ESF1: variants seen among roughly 807,000 people sequenced by gnomAD.
ESF1 encodes the protein ESF1 nucleolar pre-rRNA processing protein, also known as ESF1 homolog.
ESF1 carries 58 observed loss-of-function variants against 92.0 expected under a neutral mutation model. The ratio of observed to expected loss-of-function variants is 0.63; its 90% CI spans 0.51 to 0.78. The LOEUF (loss-of-function observed/expected upper bound fraction) is 0.78. Ranked by LOEUF, ESF1 falls within the 30% of genes least tolerant of loss-of-function variation. The pLI, the probability that ESF1 is intolerant of heterozygous loss-of-function variation, is 0.00. For synonymous variants in ESF1, 321 were observed against 313.7 expected (o/e 1.02, Z -0.24); for missense variants, 922 against 989.1 (o/e 0.93, Z 0.91).
At chr20:13,775,027 A>G (rs1331807249) in intron 4 of ESF1, 130 bp downstream of exon 4, 7 of 587,456 alleles carry the variant, frequency 1.2e-5, no homozygotes, top group Non-Finnish European at 2.1e-5. Context: ...TAAGTTTCAC[A>G]CTCAATTGGA....
chr20:13,751,424 GA>G (rs541307524), intron 9 of ESF1, among the ~76,000 whole-genome samples: 57 of 151,434 alleles, frequency 3.8e-4, no homozygotes, highest in African/African-American at 1.1e-3. Flanking sequence ...GTTATAAAAA[GA>G]AAAAAAAGGT....
intron 9 of ESF1, among the ~76,000 whole-genome samples, chr20:13,747,175 G>GT: frequency 6.6e-6 from 1 of 151,672 alleles, no homozygotes; most frequent in East Asian, 1.9e-4. Flanking sequence ...TTCAACTTTT[G>GT]TATTTGTAAT....
chr20:13,783,825 T>A (rs962266362), intron 1 of ESF1, among the ~76,000 whole-genome samples: 12 of 152,086 alleles, frequency 7.9e-5, no homozygotes, highest in African/African-American at 2.9e-4. Flanking sequence ...CAAAAAAAAG[T>A]AAGAAAGAAA....
At chr20:13,772,744 A>G in intron 4 of ESF1, 129 bp from the exon 5 acceptor site, 1 of 623,606 alleles carries the variant, frequency 1.6e-6, no homozygotes, top group South Asian at 2.0e-5. Flanking sequence ...ACTCACTTCC[A>G]AATCCACTAT....
chr20:13,755,624 T>C (rs1300655782), intron 9 of ESF1, among the ~76,000 whole-genome samples: 1 of 152,186 alleles, frequency 6.6e-6, no homozygotes, highest in Non-Finnish European at 1.5e-5. Flanking sequence ...AATAATTAAG[T>C]ATAACTTTCT....
At chr20:13,729,836 T>G (rs925337004) in intron 10 of ESF1, among the ~76,000 whole-genome samples, 1 of 152,212 alleles carries the variant, frequency 6.6e-6, no homozygotes, top group African/African-American at 2.4e-5. Flanking sequence ...AACAGACTTT[T>G]TACTAAATTA....
At chr20:13,772,334 A>C (rs1979726802) in intron 5 of ESF1, among the ~76,000 whole-genome samples, 181 bp downstream of exon 5, 1 of 152,148 alleles carries the variant, frequency 6.6e-6, no homozygotes, top group African/African-American at 2.4e-5. Context: ...AATATACACG[A>C]ACAAAAATCT....
intron 12 of ESF1, among the ~76,000 whole-genome samples, chr20:13,717,960 T>TA (rs1363883748): frequency 6.6e-6 from 1 of 152,124 alleles, no homozygotes; most frequent in Non-Finnish European, 1.5e-5. Flanking sequence ...TTTTTGCTTT[T>TA]TTTTTTTTGG....
intron 13 of ESF1, among the ~76,000 whole-genome samples, chr20:13,715,920 C>A (rs1439425519): frequency 6.6e-6 from 1 of 152,078 alleles, no homozygotes; most frequent in Non-Finnish European, 1.5e-5. Flanking sequence ...GGAAAAAAAT[C>A]CTGTAAAAAA....
chr20:13,732,974 TG>T (rs2049953568), intron 10 of ESF1, among the ~76,000 whole-genome samples: 1 of 152,086 alleles, frequency 6.6e-6, no homozygotes, highest in African/African-American at 2.4e-5. Context: ...TCGCCCAGGC[TG>T]GAGTGCAGTG....
rs1433129962 is a variant in ESF1 at position 13,715,012 on chromosome 20, CTGAG to C, written c.2414_2417del (p.Thr805ArgfsTer3). 2 of 1,613,538 alleles carry C rather than the reference CTGAG, an allele frequency of 1.2e-6. No homozygotes were observed. The highest frequency in any genetic ancestry group is 1.6e-4 in the Middle Eastern group (1 of 6,062). ...TCTCACTCTCTTTTTTCTTTATTGC[CTGAG>C]TAAGTTCTTGTTCTTTCCGTTCTCT... On this transcript the variant is annotated frameshift_variant, in exon 14 of 14. Transcript: ENST00000617257. LOFTEE classifies it high-confidence loss of function.
At chr20:13,748,479 C>CAT (rs928975934) in intron 9 of ESF1, among the ~76,000 whole-genome samples, 4,078 of 86,992 alleles carry the variant, frequency 0.047, 124 homozygotes, top group African/African-American at 0.11. Flanking sequence ...CATATATACA[C>CAT]ATATACACAT....
intron 2 of ESF1, 54 bp downstream of exon 2, chr20:13,782,448 TCA>T: frequency 7.3e-7 from 1 of 1,366,212 alleles, no homozygotes; most frequent in Middle Eastern, 2.7e-4. Flanking sequence ...TTTTGAAAGA[TCA>T]GTATAAAAAT....
intron 10 of ESF1, among the ~76,000 whole-genome samples, 182 bp downstream of exon 10, chr20:13,733,539 A>G (rs1293827796): frequency 6.6e-6 from 1 of 152,196 alleles, no homozygotes; most frequent in Non-Finnish European, 1.5e-5. Context: ...TTTGTACACC[A>G]TTATGTGGCC....
chr20:13,784,283 A>AC (rs145227808), intron 1 of ESF1, among the ~76,000 whole-genome samples: 20,510 of 64,548 alleles, frequency 0.32, 1,706 homozygotes, highest in East Asian at 0.51. Flanking sequence ...ATTATTAAGC[A>AC]ACCCCCCCCC....
chr20:13,719,400 A>T (rs78734636), intron 11 of ESF1, among the ~76,000 whole-genome samples: 8,689 of 152,212 alleles, frequency 0.057, 336 homozygotes, highest in Non-Finnish European at 0.086. Context: ...AATCTTTAGA[A>T]AGATTACATA....
chr20:13,729,280 T>C (rs2049925820), intron 10 of ESF1, among the ~76,000 whole-genome samples: 1 of 152,172 alleles, frequency 6.6e-6, no homozygotes, highest in Non-Finnish European at 1.5e-5. Flanking sequence ...AAACAAAAAA[T>C]ATAGAATACT....
intron 9 of ESF1, among the ~76,000 whole-genome samples, chr20:13,754,738 A>C (rs886633482): frequency 6.6e-6 from 1 of 152,196 alleles, no homozygotes; most frequent in Non-Finnish European, 1.5e-5. Context: ...GTTAAATATA[A>C]AAGTCAGATT....
chr20:13,731,305 G>A (rs938016976), intron 10 of ESF1, among the ~76,000 whole-genome samples: 1 of 152,030 alleles, frequency 6.6e-6, no homozygotes, highest in African/African-American at 2.4e-5. Flanking sequence ...GCCGAGGCGG[G>A]AGGATCATGA....
Sources: gnomAD v4.1 joint callset for allele counts (sites outside exome capture counted in the v4.1 genomes callset) on GRCh38, gnomAD v4.1.1 for gene constraint, MANE v1.5 for transcripts, NCBI Gene and HGNC (gene_info 2026-07-23, HGNC 2026-07-21) for gene names.